PCMTD1: variants seen among roughly 807,000 people sequenced by gnomAD.
PCMTD1 encodes protein-L-isoaspartate O-methyltransferase domain-containing protein 1.
PCMTD1 carries 12 observed loss-of-function variants against 37.6 expected under a neutral mutation model. The ratio of observed to expected loss-of-function variants is 0.32; its 90% CI spans 0.20 to 0.52. PCMTD1 has a LOEUF of 0.52. Among genes scored for constraint, PCMTD1 ranks in the 20% least tolerant of loss-of-function variants. The pLI is 0.97. For synonymous variants in PCMTD1, 117 were observed against 135.8 expected, an observed-to-expected ratio of 0.86 and a Z score of 0.96; for missense variants, 235 against 421.3, an observed-to-expected ratio of 0.56 and a Z score of 3.87.
intron 1 of PCMTD1, among the ~76,000 whole-genome samples, chr8:51,877,704 C>T (rs1416231582): frequency 6.6e-6 from 1 of 152,078 alleles, no homozygotes; most frequent in Non-Finnish European, 1.5e-5. Flanking sequence ...CTGAGATGGA[C>T]ACTCATCACA....
At chr8:51,845,204 A>C (rs2038200745) in intron 3 of PCMTD1, 1 of 153,512 alleles carries the variant, frequency 6.5e-6, no homozygotes, top group Admixed American at 6.5e-5. Flanking sequence ...CACAAGATAT[A>C]TCAATGTATT....
intron 5 of PCMTD1, among the ~76,000 whole-genome samples, chr8:51,826,185 TA>T (rs562517182): frequency 1.1e-3 from 163 of 152,132 alleles, no homozygotes; most frequent in African/African-American, 3.3e-3. Flanking sequence ...TATGCAGCCA[TA>T]AAAAAAGGAT....
intron 5 of PCMTD1, among the ~76,000 whole-genome samples, chr8:51,824,167 A>T (rs1366304444): frequency 6.6e-6 from 1 of 152,246 alleles, no homozygotes; most frequent in Non-Finnish European, 1.5e-5. Flanking sequence ...CACCACTCCT[A>T]TTCAACATAG....
At chr8:51,872,723 C>A (rs1475101075) in intron 1 of PCMTD1, among the ~76,000 whole-genome samples, 1 of 152,164 alleles carries the variant, frequency 6.6e-6, no homozygotes, top group Non-Finnish European at 1.5e-5. Context: ...CAAAAATGCA[C>A]AACTGGGGAC....
intron 1 of PCMTD1, among the ~76,000 whole-genome samples, chr8:51,889,790 T>C (rs923280951): frequency 2.6e-5 from 4 of 152,126 alleles, no homozygotes; most frequent in African/African-American, 9.7e-5. Context: ...GTAAAGGGAA[T>C]GTCATTTATA....
rs1563367741 is a variant in PCMTD1, at chr8:51,895,934, A to ATTTT, written c.-96+2995_-96+2996insAAAA. 6 of 116,670 alleles carry ATTTT rather than the reference A, an allele frequency of 5.1e-5. 2 individuals carry two copies. Among genetic ancestry groups the ATTTT allele is most frequent in the Admixed American group, 1.9e-4 (2 of 10,620 alleles). The allele number at this position is 116,670 out of a possible 1,614,324, so 7.2% of individuals were successfully genotyped here. On this transcript the variant is annotated intron_variant, in intron 1 of 5. Coordinates refer to ENST00000522514, the MANE Select transcript of PCMTD1 (RefSeq NM_052937.4). ...CTTTATTAATGTTAGTATTTGTCCC[A>ATTTT]TTTCTTTTTTTTTTTTTTTTTTTTT...
At chr8:51,846,195 C>T (rs905570379) in intron 2 of PCMTD1, among the ~76,000 whole-genome samples, 1 of 152,144 alleles carries the variant, frequency 6.6e-6, no homozygotes, top group Non-Finnish European at 1.5e-5. Flanking sequence ...GGCATCGCTA[C>T]CCCCAGCCAG....
chr8:51,857,441 C>A (rs1463298929), intron 2 of PCMTD1, among the ~76,000 whole-genome samples: 1 of 152,128 alleles, frequency 6.6e-6, no homozygotes, highest in Non-Finnish European at 1.5e-5. Context: ...TAAAAAGGAT[C>A]AGAATTCAGA....
rs552459159 is a variant in PCMTD1 at position 51,856,957 on chromosome 8, T to C, written c.307+3888A>G. On this transcript the variant is annotated intron_variant, in intron 2 of 5. Transcript: ENST00000522514. The stretch of plus-strand genomic sequence containing the variant: ...TCACTGAATTGTACTCTTAAATGAG[T>C]AAACTTGATGGTATGTGAATCATAC... 2.2e-4 allele frequency among the ~76,000 whole-genome samples: 33 copies of C among 152,246 alleles called. No homozygotes were observed. The South Asian group carries it at 6.9e-3, about 32-fold the overall frequency.
intron 1 of PCMTD1, among the ~76,000 whole-genome samples, chr8:51,873,973 C>A (rs1057402959): frequency 6.7e-6 from 1 of 149,472 alleles, no homozygotes; most frequent in African/African-American, 2.5e-5. Flanking sequence ...AGTGCAGTGG[C>A]GCAATCTCAG....
At chr8:51,894,043 C>G (rs906507561) in intron 1 of PCMTD1, among the ~76,000 whole-genome samples, 9 of 152,162 alleles carry the variant, frequency 5.9e-5, no homozygotes, top group Non-Finnish European at 8.8e-5. Flanking sequence ...ACAGGTTAAA[C>G]AGCTGTATGA....
chr8:51,888,956 C>A (rs945071703), intron 1 of PCMTD1, among the ~76,000 whole-genome samples: 19 of 151,828 alleles, frequency 1.3e-4, no homozygotes, highest in African/African-American at 4.6e-4. Flanking sequence ...TCTCTCACTG[C>A]AGTAACTTCT....
At chr8:51,852,602 T>A (rs1416303788) in intron 2 of PCMTD1, among the ~76,000 whole-genome samples, 2 of 152,180 alleles carry the variant, frequency 1.3e-5, no homozygotes, top group Non-Finnish European at 2.9e-5. Flanking sequence ...AAAATCACAG[T>A]GTCCTCAGAG....
At chr8:51,876,205 G>A (rs7014075) in intron 1 of PCMTD1, among the ~76,000 whole-genome samples, 104,545 of 151,996 alleles carry the variant, frequency 0.69, 42,388 homozygotes, top group Non-Finnish European at 0.9. Flanking sequence ...TACTAAATAC[G>A]CATAAAATAC....
chr8:51,820,967 A>G (rs1185419519), intron 5 of PCMTD1, among the ~76,000 whole-genome samples: 1 of 152,212 alleles, frequency 6.6e-6, no homozygotes, highest in Non-Finnish European at 1.5e-5. Context: ...TACATGCATA[A>G]AAGTTCTCTG....
At chr8:51,837,190 A>C (rs967695815) in intron 3 of PCMTD1, among the ~76,000 whole-genome samples, 5 of 152,168 alleles carry the variant, frequency 3.3e-5, no homozygotes, top group African/African-American at 1.2e-4. Flanking sequence ...TTATTAATAC[A>C]AAGGATAACT....
chr8:51,890,076 T>G (rs2038916915), intron 1 of PCMTD1, among the ~76,000 whole-genome samples: 1 of 150,496 alleles, frequency 6.6e-6, no homozygotes, highest in Non-Finnish European at 1.5e-5. Flanking sequence ...AAGTCCATGG[T>G]GATTACCTCC....
intron 5 of PCMTD1, among the ~76,000 whole-genome samples, chr8:51,829,639 G>A (rs1371680233): frequency 6.6e-6 from 1 of 152,098 alleles, no homozygotes; most frequent in East Asian, 1.9e-4. Flanking sequence ...GCATGGTGGT[G>A]GGAGCCTGTA....
chr8:51,886,867 C>T (rs528057547), intron 1 of PCMTD1, among the ~76,000 whole-genome samples: 2 of 152,224 alleles, frequency 1.3e-5, no homozygotes, highest in East Asian at 3.9e-4. Context: ...ACAAGTCTCA[C>T]TGGGTTAAGA....
Sources: gnomAD v4.1 joint callset for allele counts (sites outside exome capture counted in the v4.1 genomes callset) on GRCh38, gnomAD v4.1.1 for gene constraint, MANE v1.5 for transcripts, NCBI Gene and HGNC (gene_info 2026-07-23, HGNC 2026-07-21) for gene names.